Variants in ZNF609 observed in about 807,000 individuals in gnomAD.
The protein encoded by ZNF609 is zinc finger protein 609.
A neutral mutation model predicts 109.5 loss-of-function variants in ZNF609; 11 were observed. The ratio of observed to expected loss-of-function variants is 0.10; its 90% CI spans 0.06 to 0.17. The LOEUF is 0.17. Ranked by LOEUF, ZNF609 falls within the 10% of genes least tolerant of loss-of-function variation. The probability of loss-of-function intolerance (pLI) is 1.00; values close to 1 mark genes in which losing one functional copy is unlikely to be tolerated. For synonymous variants in ZNF609, 646 were observed against 662.0 expected (o/e 0.98, Z 0.37); for missense variants, 1,559 against 1,772.4 (o/e 0.88, Z 2.16).
At chr15:64,553,064 A>G (rs1010808794) in intron 2 of ZNF609, among the ~76,000 whole-genome samples, 9 of 152,194 alleles carry the variant, frequency 5.9e-5, no homozygotes, top group African/African-American at 1.9e-4. Context: ...AAATCAGTTG[A>G]CCATTTATCA....
At chr15:64,560,377 TC>T (rs1182484837) in intron 2 of ZNF609, among the ~76,000 whole-genome samples, 3 of 150,818 alleles carry the variant, frequency 2.0e-5, no homozygotes, top group Non-Finnish European at 3.0e-5. Context: ...TTTTTTTTTT[TC>T]CCCCCGCAGA....
At chr15:64,654,481 A>T (rs1438136377) in intron 3 of ZNF609, 1 of 151,834 alleles carries the variant, frequency 6.6e-6, no homozygotes, top group Non-Finnish European at 1.5e-5. Context: ...TTTCTTTTTT[A>T]TAGAGATGGG....
intron 1 of ZNF609, among the ~76,000 whole-genome samples, chr15:64,490,890 T>C (rs192298460): frequency 2.0e-5 from 3 of 152,304 alleles, no homozygotes; most frequent in Admixed American, 2.0e-4. Context: ...TGTTGGAGAA[T>C]AGCAGCCTTT....
intron 2 of ZNF609, among the ~76,000 whole-genome samples, chr15:64,586,523 G>C (rs1277014592): frequency 6.6e-6 from 1 of 152,084 alleles, no homozygotes; most frequent in Non-Finnish European, 1.5e-5. Context: ...GATTCTCATA[G>C]GAGCGGGAAC....
chr15:64,571,269 A>G (rs567180459), intron 2 of ZNF609, among the ~76,000 whole-genome samples: 1 of 152,326 alleles, frequency 6.6e-6, no homozygotes, highest in South Asian at 2.1e-4. Flanking sequence ...GCACCTCATA[A>G]GAAGAGCTAA....
rs377660812 is a variant in ZNF609, at chr15:64,605,407, C to T, written c.748-17420C>T. On this transcript the variant is annotated intron_variant, in intron 2 of 9. Transcript: ENST00000326648. ...AAGCCATAACTGTATCTCCATGAAC[C>T]ACTACAGGTGGTTATCTCAAGCCTG... Among the ~76,000 whole-genome samples the T allele has an allele frequency of 7.4e-4, 113 of 152,244 alleles. 3 individuals are homozygous for T. The South Asian group carries it at 0.023, about 31-fold the overall frequency.
In ZNF609 at chr15:64,603,270, A is replaced by ATTT. The variant is rs540033727; in HGVS notation, c.748-19542_748-19540dup. On this transcript the variant is annotated intron_variant, in intron 2 of 9. Transcript: ENST00000326648. Reference sequence around the variant, plus strand: ...TGACTTGAGTCAGTCACTGAGTCCTATTTTTTTTTTTTTTTTTGAGATAGA... The same window carrying ATTT: ...TGACTTGAGTCAGTCACTGAGTCCTATTTTTTTTTTTTTTTTTTTTGAGATAGA... Among the ~76,000 whole-genome samples the ATTT allele has an allele frequency of 4.3e-4, 54 of 125,838 alleles. 1 individual carries two copies. The highest frequency in any genetic ancestry group is 1.5e-3 in the African/African-American group (52 of 34,214). The allele number at this position is 125,838 out of a possible 152,430, so 82.6% of individuals were successfully genotyped here.
chr15:64,653,355 C>T (rs371094917), intron 3 of ZNF609, among the ~76,000 whole-genome samples: 1 of 151,986 alleles, frequency 6.6e-6, no homozygotes, highest in Non-Finnish European at 1.5e-5. Flanking sequence ...TTATAAACTT[C>T]CTGGAAGCGC....
intron 1 of ZNF609, chr15:64,470,191 T>G (rs371395295): frequency 6.6e-6 from 1 of 152,108 alleles, no homozygotes; most frequent in Non-Finnish European, 1.5e-5. Flanking sequence ...ACTACAAAAG[T>G]GTGCCACCAT....
At chr15:64,604,830 T>C (rs531969283) in intron 2 of ZNF609, among the ~76,000 whole-genome samples, 2 of 152,048 alleles carry the variant, frequency 1.3e-5, no homozygotes, top group Non-Finnish European at 1.5e-5. Flanking sequence ...TTTATTCATT[T>C]ATTTATTTAT....
chr15:64,572,014 A>G (rs1280376473), intron 2 of ZNF609, among the ~76,000 whole-genome samples: 1 of 152,178 alleles, frequency 6.6e-6, no homozygotes, highest in Non-Finnish European at 1.5e-5. Context: ...GTGTTGCTGG[A>G]AAGTTGCCCT....
At chr15:64,546,797 T>G (rs1894371111) in intron 2 of ZNF609, among the ~76,000 whole-genome samples, 1 of 144,814 alleles carries the variant, frequency 6.9e-6, no homozygotes, top group Non-Finnish European at 1.5e-5. Flanking sequence ...TTCTTTTTTT[T>G]TTTTTTTTTT....
chr15:64,588,204 G>A (rs1288567856), intron 2 of ZNF609, among the ~76,000 whole-genome samples: 9 of 149,518 alleles, frequency 6.0e-5, no homozygotes, highest in Non-Finnish European at 1.0e-4. Context: ...CGAGGCGGGC[G>A]GATCACGAGG....
At chr15:64,567,896 C>T (rs1488084293) in intron 2 of ZNF609, among the ~76,000 whole-genome samples, 2 of 151,934 alleles carry the variant, frequency 1.3e-5, no homozygotes, top group African/African-American at 4.8e-5. Flanking sequence ...CTCCTGACAT[C>T]GTGATCTGCC....
chr15:64,577,000 ATATATATGTATG>A, intron 2 of ZNF609, among the ~76,000 whole-genome samples: 1 of 118,164 alleles, frequency 8.5e-6, no homozygotes, highest in Non-Finnish European at 1.8e-5. Flanking sequence ...ACACATAAAT[ATATATATGTATG>A]TATACACATA....
At chr15:64,618,336 A>G (rs1179093689) in intron 2 of ZNF609, among the ~76,000 whole-genome samples, 3 of 152,164 alleles carry the variant, frequency 2.0e-5, no homozygotes, top group Admixed American at 6.5e-5. Flanking sequence ...GGTAACATAC[A>G]GAGGGGCAGG....
In ZNF609 at chr15:64,682,839, A is replaced by G. The variant is rs780751991; in HGVS notation, c.*1153A>G. Reference sequence around the variant, plus strand: ...TACATGATTTTATATAGCTCAGTCTATAACCTCCATGTGGGCCAATATAAG... The same window carrying G: ...TACATGATTTTATATAGCTCAGTCTGTAACCTCCATGTGGGCCAATATAAG... On this transcript the variant is annotated 3_prime_UTR_variant, in exon 10 of 10. Transcript: ENST00000326648. 8 of 152,618 alleles carry G rather than the reference A, an allele frequency of 5.2e-5. No individual in the cohort carries two copies. Among genetic ancestry groups the G allele is most frequent in the East Asian group, 3.8e-4 (2 of 5,204 alleles). The allele number at this position is 152,618 out of a possible 1,614,324, so 9.5% of individuals were successfully genotyped here. A position where few individuals can be genotyped will look rare whatever the true frequency, so the allele number is the denominator to read the frequency against.
intron 2 of ZNF609, chr15:64,501,788 C>T (rs1893565823): frequency 6.6e-6 from 1 of 152,126 alleles, no homozygotes; most frequent in Non-Finnish European, 1.5e-5. Flanking sequence ...ACTTATGTTG[C>T]AACCTTCTAA....
chr15:64,500,601 T>C (rs1893548099), intron 2 of ZNF609: 3 of 592,928 alleles, frequency 5.1e-6, no homozygotes, highest in Non-Finnish European at 9.0e-6. Context: ...GTACGGTTCT[T>C]GATGGGATAA....
Sources: allele counts gnomAD v4.1 joint callset (sites outside exome capture counted in the v4.1 genomes callset), GRCh38; gene constraint gnomAD v4.1.1; transcripts MANE v1.5; gene names NCBI Gene and HGNC (gene_info 2026-07-23, HGNC 2026-07-21).